The following TTLL6 variants were observed in gnomAD, a reference collection of about 807,000 sequenced individuals.
TTLL6 encodes the protein tubulin tyrosine ligase like 6.
TTLL6 carries 75 observed loss-of-function variants against 96.4 expected under a neutral mutation model. The ratio of observed to expected loss-of-function variants is 0.78; its 90% CI spans 0.65 to 0.94. TTLL6 has a LOEUF of 0.94. TTLL6 is among the 40% of genes least tolerant of loss of function. The pLI, the probability that TTLL6 is intolerant of heterozygous loss-of-function variation, is 0.00. For missense variants in TTLL6, 1,030 were observed against 1,093.0 expected (o/e 0.94, Z 0.81); for synonymous variants, 411 against 419.4 (o/e 0.98, Z 0.24).
chr17:48,797,481 A>G (rs1282771584), intron 6 of TTLL6, among the ~76,000 whole-genome samples: 1 of 152,120 alleles, frequency 6.6e-6, no homozygotes, highest in Admixed American at 6.5e-5. Flanking sequence ...CAACTAAACA[A>G]AGTAACATTA....
chr17:48,809,409 C>G (rs2039548763), intron 1 of TTLL6, among the ~76,000 whole-genome samples: 1 of 152,164 alleles, frequency 6.6e-6, no homozygotes, highest in Admixed American at 6.5e-5. Context: ...ACCAAGCCCT[C>G]AAGGAGGAGT....
intron 10 of TTLL6, among the ~76,000 whole-genome samples, chr17:48,789,293 T>A (rs993533896): frequency 3.3e-5 from 5 of 152,224 alleles, no homozygotes; most frequent in Non-Finnish European, 7.3e-5. Flanking sequence ...TCTGCCAATA[T>A]AAACTCATTT....
intron 15 of TTLL6, among the ~76,000 whole-genome samples, chr17:48,766,299 A>G (rs1202322115): frequency 6.6e-6 from 1 of 152,180 alleles, no homozygotes; most frequent in Non-Finnish European, 1.5e-5. Context: ...GGAGACCCCC[A>G]TCTGATGGCA....
chr17:48,769,759 G>A lies in TTLL6; in HGVS notation c.2379C>T (p.Tyr793=). Residue 793 remains tyrosine (Y), a synonymous_variant, in exon 14 of 16, where the codon TAC becomes TAT. Transcript: ENST00000393382. ...GGTTATTCATCCCCAGCTTGGGGTT[G>A]TAGTGAGCTGGGAAGAAGGAGAGCT... The part of the protein sequence containing the change: ...SGKLSFFPAH[Y]NPKLGMNNLS... 6.2e-7 allele frequency: 1 copy of A among 1,614,210 alleles called. No homozygotes were observed. The highest frequency in any genetic ancestry group is 8.5e-7 in the Non-Finnish European group (1 of 1,180,046).
At chr17:48,787,670 A>G in intron 11 of TTLL6, 141 bp downstream of exon 11, 1 of 751,554 alleles carries the variant, frequency 1.3e-6, no homozygotes, top group Non-Finnish European at 2.1e-6. Flanking sequence ...TGCTAGGACT[A>G]CAGGCGTGAG....
chr17:48,785,324 GTC>G lies in TTLL6; in HGVS notation c.1762-125_1762-124del, dbSNP rs200384099. The G allele has an allele frequency of 2.1e-3, 2,951 of 1,406,148 alleles. 49 individuals carry two copies. The African/African-American group carries it at 0.037, about 18-fold the overall frequency. The allele number at this position is 1,406,148 out of a possible 1,614,324, so 87.1% of individuals were successfully genotyped here. ...GAGAAGGAAAGCAGTCGATAGTAAA[GTC>G]TCTCTAATGTGGGGCTCTCAACTTG... On this transcript the variant is annotated intron_variant, in intron 12 of 15. Transcript: ENST00000393382.
At chr17:48,815,561 G>A (rs1408890723) in intron 1 of TTLL6, among the ~76,000 whole-genome samples, 1 of 152,182 alleles carries the variant, frequency 6.6e-6, no homozygotes, top group Non-Finnish European at 1.5e-5. Context: ...CCACTAGGAG[G>A]ATAAAAGCTT....
At chr17:48,782,150 G>A (rs1219948860) in intron 13 of TTLL6, among the ~76,000 whole-genome samples, 1 of 146,496 alleles carries the variant, frequency 6.8e-6, no homozygotes, top group Non-Finnish European at 1.5e-5. Flanking sequence ...CTATTGCCCA[G>A]GCTGTGGGGC....
At chr17:48,773,013 A>C (rs1392087293) in intron 13 of TTLL6, among the ~76,000 whole-genome samples, 1 of 74,414 alleles carries the variant, frequency 1.3e-5, no homozygotes, top group African/African-American at 6.2e-5. Flanking sequence ...CAAAAAAATA[A>C]ATAAAAAGAA....
chr17:48,766,939 GTT>G (rs1488548996), intron 15 of TTLL6, among the ~76,000 whole-genome samples: 6 of 151,462 alleles, frequency 4.0e-5, no homozygotes, highest in African/African-American at 2.4e-5. Context: ...TTGTTGTTTT[GTT>G]TTGTTTTGTT....
At position 48,801,276 on chromosome 17, in the gene TTLL6, C is replaced by T; in HGVS notation, c.590G>A (p.Arg197Lys). 1.9e-6 allele frequency: 3 copies of T among 1,551,586 alleles called. No homozygotes were observed. Among genetic ancestry groups the T allele is most frequent in the Non-Finnish European group, 2.6e-6 (3 of 1,146,986 alleles). Residue 197 changes from arginine to lysine, a missense_variant, in exon 5 of 16, where the codon AGG becomes AAG. By Grantham distance (26) the Arg-to-Lys change is conservative. Coordinates refer to ENST00000393382, the MANE Select transcript of TTLL6 (RefSeq NM_001130918.3). The part of the protein sequence containing the change: ...MFPKDFRFFP[R>K]TWCLPADWGD... ...TCACTCAGCAGGAAGACACCAGGTCCTAGGGAAAAAGCGGAAATCTTTAGG... is the reference window on the plus strand; with the variant it reads ...TCACTCAGCAGGAAGACACCAGGTCTTAGGGAAAAAGCGGAAATCTTTAGG...
chr17:48,775,065 C>T (rs2038843921), intron 13 of TTLL6, among the ~76,000 whole-genome samples: 2 of 150,704 alleles, frequency 1.3e-5, no homozygotes, highest in Admixed American at 1.3e-4. Context: ...ACCTGGGAGA[C>T]TGAGCAAAGA....
intron 5 of TTLL6, chr17:48,800,191 G>T (rs1320188986): frequency 6.3e-6 from 1 of 157,922 alleles, no homozygotes; most frequent in Non-Finnish European, 1.4e-5. Flanking sequence ...TGGAGTTCTG[G>T]ACCTGGCTCA....
chr17:48,810,825 G>GTGTGTATA (rs368085735), intron 1 of TTLL6, among the ~76,000 whole-genome samples: 13 of 84,338 alleles, frequency 1.5e-4, no homozygotes, highest in African/African-American at 4.9e-4. Flanking sequence ...GTATGTGTGT[G>GTGTGTATA]TATATATATA....
At chr17:48,810,805 C>T (rs1240193717) in intron 1 of TTLL6, among the ~76,000 whole-genome samples, 6 of 54,324 alleles carry the variant, frequency 1.1e-4, no homozygotes, top group South Asian at 4.8e-4. Flanking sequence ...TACATATATA[C>T]ACATATATAG....
intron 2 of TTLL6, 118 bp downstream of exon 2, chr17:48,804,654 A>G (rs2039478926): frequency 1.2e-6 from 1 of 835,742 alleles, no homozygotes; most frequent in Admixed American, 2.2e-5. Flanking sequence ...TGAGATGTTG[A>G]CAGTCTCAGC....
At chr17:48,778,571 G>A (rs1019963606) in intron 13 of TTLL6, among the ~76,000 whole-genome samples, 8 of 151,168 alleles carry the variant, frequency 5.3e-5, no homozygotes, top group African/African-American at 1.9e-4. Flanking sequence ...TGAGGTGGGA[G>A]GATTGCTTGA....
intron 13 of TTLL6, among the ~76,000 whole-genome samples, chr17:48,779,337 G>A (rs546609944): frequency 3.6e-5 from 4 of 112,526 alleles, no homozygotes; most frequent in Admixed American, 2.5e-4. Context: ...TTGGGCAACA[G>A]AGCAAGACTC....
chr17:48,790,528 G>A (rs1229747410), intron 9 of TTLL6, among the ~76,000 whole-genome samples: 1 of 152,198 alleles, frequency 6.6e-6, no homozygotes, highest in Non-Finnish European at 1.5e-5. Flanking sequence ...TGGGAGGAAG[G>A]AGAGGACTCA....
Sources: allele counts gnomAD v4.1 joint callset (sites outside exome capture counted in the v4.1 genomes callset), GRCh38; gene constraint gnomAD v4.1.1; transcripts MANE v1.5; gene names NCBI Gene and HGNC (gene_info 2026-07-23, HGNC 2026-07-21).